GTF2IRD1: variants seen among roughly 807,000 people sequenced by gnomAD.
GTF2IRD1 encodes GTF2I repeat domain containing 1, also known as general transcription factor II-I repeat domain-containing protein 1.
Under a neutral mutation model 113.2 loss-of-function variants are expected in GTF2IRD1, and 26 were observed. That is an observed-to-expected ratio of 0.23 (90% CI 0.17 to 0.32). The LOEUF is 0.32. Ranked by LOEUF, GTF2IRD1 falls within the 10% of genes least tolerant of loss-of-function variation. The probability of loss-of-function intolerance (pLI) is 1.00; values close to 1 mark genes in which losing one functional copy is unlikely to be tolerated. For synonymous variants in GTF2IRD1, 484 were observed against 529.1 expected (o/e 0.91, Z 1.17); for missense variants, 864 against 1,280.8 (o/e 0.67, Z 4.97).
intron 1 of GTF2IRD1, chr7:74,507,300 C>T (rs1796349716): frequency 6.6e-6 from 1 of 151,896 alleles, no homozygotes; most frequent in Non-Finnish European, 1.5e-5. Context: ...ATGGTGAAAC[C>T]CCATCTCTAC....
At chr7:74,532,221 C>T (rs782119491) in intron 9 of GTF2IRD1, among the ~76,000 whole-genome samples, 4 of 152,016 alleles carry the variant, frequency 2.6e-5, no homozygotes, top group Non-Finnish European at 2.9e-5. Flanking sequence ...CACATCTCCC[C>T]GACCCTGTTC....
chr7:74,592,660 G>A (rs1288903292), intron 24 of GTF2IRD1, among the ~76,000 whole-genome samples: 2 of 151,086 alleles, frequency 1.3e-5, no homozygotes, highest in Admixed American at 6.6e-5. Flanking sequence ...TCACCCTCCC[G>A]AGTAGCTGGG....
intron 11 of GTF2IRD1, 132 bp downstream of exon 11, chr7:74,536,407 A>G: frequency 3.4e-6 from 2 of 595,746 alleles, no homozygotes; most frequent in Non-Finnish European, 6.0e-6. Flanking sequence ...AGGGAGGGCA[A>G]GGGAAAACAG....
chr7:74,482,895 T>C (rs1554334923), intron 1 of GTF2IRD1, among the ~76,000 whole-genome samples: 3 of 152,232 alleles, frequency 2.0e-5, no homozygotes, highest in African/African-American at 4.8e-5. Flanking sequence ...TGGAAACACA[T>C]GTACCGTGGA....
intron 1 of GTF2IRD1, among the ~76,000 whole-genome samples, chr7:74,496,052 ATG>A: frequency 8.1e-6 from 1 of 124,164 alleles, no homozygotes; most frequent in South Asian, 2.4e-4. Context: ...GTGTGCACAC[ATG>A]TGTCTGTATG....
At position 74,512,881 on chromosome 7, in the gene GTF2IRD1, G is replaced by T; in HGVS notation, c.175G>T (p.Asp59Tyr). The T allele has an allele frequency of 6.2e-7, 1 of 1,614,068 alleles. No individual in the cohort carries two copies. The highest frequency in any genetic ancestry group is 8.5e-7 in the Non-Finnish European group (1 of 1,179,928). The change falls in exon 3 of 27, where the codon GAT (aspartate) becomes TAT (tyrosine). Residue 59 changes from aspartate (D) to tyrosine (Y), a missense_variant. By Grantham distance (160) the Asp-to-Tyr change is radical. This residue lies in a region of GTF2IRD1 where 182 missense variants were observed against 266.6 expected (regional missense o/e 0.68). Coordinates refer to ENST00000424337, the MANE Select transcript of GTF2IRD1 (RefSeq NM_005685.4). The surrounding 1 kb of genome is among the most constrained non-coding windows in gnomAD (Gnocchi z 4.4). ...CGAGGTGGCCTGTGTCGCCGTGCAC[G>T]ATGAGAGCGCCTTTGTGGTGGGCAC... is the stretch of plus-strand genomic sequence containing the variant. ...NAEVACVAVH[D>Y]ESAFVVGTEK...
In GTF2IRD1 at chr7:74,601,028, T is replaced by C; in HGVS notation, c.2630-16T>C. ...CCTCAGCTTCCAGTGTCAACAGCCT[T>C]TTCCCCTCCTTCCAGCCAAAGACAG... On this transcript the variant is annotated splice_polypyrimidine_tract_variant and intron_variant, in intron 25 of 26. Coordinates refer to ENST00000424337, the MANE Select transcript of GTF2IRD1 (RefSeq NM_005685.4). The C allele has an allele frequency of 2.5e-6, 4 of 1,613,820 alleles. No homozygotes were observed. Among genetic ancestry groups the C allele is most frequent in the Non-Finnish European group, 3.4e-6 (4 of 1,179,868 alleles).
intron 9 of GTF2IRD1, among the ~76,000 whole-genome samples, chr7:74,531,789 T>C (rs1197563095): frequency 1.3e-5 from 2 of 152,012 alleles, no homozygotes; most frequent in Non-Finnish European, 2.9e-5. Flanking sequence ...CTGCAGGGTA[T>C]GCACCATCTG....
In GTF2IRD1 at chr7:74,512,841, G is replaced by A; in HGVS notation, c.135G>A (p.Leu45=). 1.2e-6 allele frequency: 2 copies of A among 1,614,044 alleles called. No homozygotes were observed. The highest frequency in any genetic ancestry group is 1.7e-6 in the Non-Finnish European group (2 of 1,180,014). Reference sequence around the variant, plus strand: ...TGCCCTTCCCACAGTGCTCAGCGCTGTCCAAACTGAACGCCGAGGTGGCCT... The same window carrying A: ...TGCCCTTCCCACAGTGCTCAGCGCTATCCAAACTGAACGCCGAGGTGGCCT... ...VSALDSMCSA[L]SKLNAEVACV... is the part of the protein sequence containing the mutation. Residue 45 remains leucine (L), a synonymous_variant, in exon 3 of 27, where the codon CTG becomes CTA. Transcript: ENST00000424337. This position sits in a 1 kb window ranked among gnomAD's most constrained non-coding sequence, Gnocchi z 4.4.
intron 22 of GTF2IRD1, among the ~76,000 whole-genome samples, chr7:74,576,175 T>C (rs1381757733): frequency 2.0e-5 from 3 of 151,772 alleles, no homozygotes; most frequent in Non-Finnish European, 4.4e-5. Context: ...AATAAATAAA[T>C]TACCTAAACG....
At chr7:74,506,807 G>A (rs1253729514) in intron 1 of GTF2IRD1, 3 of 152,546 alleles carry the variant, frequency 2.0e-5, no homozygotes, top group African/African-American at 7.2e-5. Flanking sequence ...TACCCAGGAA[G>A]CCTGTGCCAT....
intron 22 of GTF2IRD1, among the ~76,000 whole-genome samples, chr7:74,563,590 A>AG (rs1554359734): frequency 6.7e-6 from 1 of 150,232 alleles, no homozygotes; most frequent in East Asian, 2.0e-4. Flanking sequence ...AAAAAAAAAA[A>AG]AAGAATGGCT....
At position 74,479,235 on chromosome 7, in the gene GTF2IRD1, G is replaced by A. The variant is rs1333039684; in HGVS notation, c.-7+25059G>A. On this transcript the variant is annotated intron_variant, in intron 1 of 26. Transcript: ENST00000424337. ...TCACCCCTGCCCCACACCCTGCAGC[G>A]AGGCTGACCTTCCGAGATCCTTGGC... 5.9e-5 allele frequency among the ~76,000 whole-genome samples: 9 copies of A among 152,160 alleles called. No homozygotes were observed. In the East Asian group the frequency reaches 1.7e-3, roughly 29 times the overall value.
intron 1 of GTF2IRD1, among the ~76,000 whole-genome samples, chr7:74,463,714 C>A (rs1312445552): frequency 3.3e-5 from 5 of 150,772 alleles, no homozygotes; most frequent in African/African-American, 1.2e-4. Flanking sequence ...AGAGTAGGAC[C>A]ACTGTTGTTT....
intron 4 of GTF2IRD1, among the ~76,000 whole-genome samples, chr7:74,515,845 G>A (rs1220444566): frequency 2.0e-5 from 3 of 152,190 alleles, no homozygotes; most frequent in East Asian, 1.9e-4. Flanking sequence ...GCCACCTCTC[G>A]CCTAGAAATA....
At chr7:74,482,158 CTGTT>C (rs558728948) in intron 1 of GTF2IRD1, among the ~76,000 whole-genome samples, 16 of 150,826 alleles carry the variant, frequency 1.1e-4, no homozygotes, top group East Asian at 3.9e-4. Context: ...GACAGTTTTG[CTGTT>C]TGTTTGTTTG....
At chr7:74,551,668 T>C (rs1435889186) in intron 17 of GTF2IRD1, among the ~76,000 whole-genome samples, 1 of 152,136 alleles carries the variant, frequency 6.6e-6, no homozygotes, top group Non-Finnish European at 1.5e-5. Flanking sequence ...CCAGGCGTGG[T>C]GGCTCACACC....
chr7:74,476,051 C>T (rs1467691382), intron 1 of GTF2IRD1, among the ~76,000 whole-genome samples: 1 of 152,144 alleles, frequency 6.6e-6, no homozygotes, highest in African/African-American at 2.4e-5. Flanking sequence ...GGATAGACAC[C>T]TGTACAAAAC....
At chr7:74,583,070 G>T (rs1411656831) in intron 22 of GTF2IRD1, among the ~76,000 whole-genome samples, 1 of 152,110 alleles carries the variant, frequency 6.6e-6, no homozygotes, top group African/African-American at 2.4e-5. Flanking sequence ...AGAAAAATCA[G>T]TGTTCTTCCT....
Sources: gnomAD v4.1 joint callset for allele counts (sites outside exome capture counted in the v4.1 genomes callset) on GRCh38, gnomAD v4.1.1 for gene constraint, gnomAD v4.1.1 regional missense constraint, Gnocchi (gnomAD v3.1) non-coding constraint, MANE v1.5 for transcripts, NCBI Gene and HGNC (gene_info 2026-07-23, HGNC 2026-07-21) for gene names.